Variants in HPSE2 observed in about 807,000 individuals in gnomAD.
The protein encoded by HPSE2 is inactive heparanase-2.
A neutral mutation model predicts 60.5 loss-of-function variants in HPSE2; 38 were observed. The observed-to-expected ratio is 0.63, with a 90% confidence interval of 0.48 to 0.82. The LOEUF (loss-of-function observed/expected upper bound fraction) is 0.82, where lower values mean the gene tolerates loss of function less well. Ranked by LOEUF, HPSE2 falls within the 40% of genes least tolerant of loss-of-function variation. The pLI is 0.00. For synonymous variants in HPSE2, 295 were observed against 293.2 expected (o/e 1.01, Z -0.06); for missense variants, 713 against 740.4 (o/e 0.96, Z 0.43).
rs1843107629 is a variant in HPSE2, at chr10:99,080,811, C to T, written c.610+63427G>A. Among the ~76,000 whole-genome samples, 3 of 152,310 alleles carry T rather than the reference C, an allele frequency of 2.0e-5. No homozygotes were observed. In the South Asian group the frequency reaches 6.2e-4, roughly 32 times the overall value. On this transcript the variant is annotated intron_variant, in intron 3 of 11. Transcript: ENST00000370552. ...GCTCTTGCCAAATGCATTCTCTTAG[C>T]ATATACAATGAGGTTTTTTTTCACT... is the stretch of plus-strand genomic sequence containing the variant.
At chr10:98,588,843 A>G (rs1945009050) in intron 9 of HPSE2, among the ~76,000 whole-genome samples, 1 of 152,126 alleles carries the variant, frequency 6.6e-6, no homozygotes, top group African/African-American at 2.4e-5. Flanking sequence ...TGGTGTTAGC[A>G]GCTCTTAGTA....
intron 3 of HPSE2, among the ~76,000 whole-genome samples, chr10:98,952,944 G>A (rs755581140): frequency 3.3e-5 from 5 of 152,070 alleles, no homozygotes; most frequent in South Asian, 2.1e-4. Context: ...TTCAATATAC[G>A]AAATTAGGGA....
intron 2 of HPSE2, among the ~76,000 whole-genome samples, chr10:99,205,586 A>C (rs1848719123): frequency 6.6e-6 from 1 of 152,328 alleles, no homozygotes; most frequent in Non-Finnish European, 1.5e-5. Context: ...TGTCTCAAAA[A>C]AAAAGCTCAT....
intron 3 of HPSE2, among the ~76,000 whole-genome samples, chr10:98,812,694 C>G (rs1475665643): frequency 6.6e-6 from 1 of 152,148 alleles, no homozygotes; most frequent in Non-Finnish European, 1.5e-5. Flanking sequence ...TTCAAGCACT[C>G]AGTAGCCACA....
chr10:98,741,835 T>C (rs1326183083), intron 4 of HPSE2, among the ~76,000 whole-genome samples: 1 of 152,186 alleles, frequency 6.6e-6, no homozygotes, highest in Admixed American at 6.5e-5. Context: ...CCATTATGCC[T>C]AATTGGTCTC....
Position 99,232,524 on chromosome 10 carries a change from A to T in HPSE2, c.291-19T>A, listed in dbSNP as rs537209058. ...CTTGGAGCTGCAGAGGAAGAGAATA[A>T]GAGAGGAAAGGTTCCCAGGACAGGA... On this transcript the variant is annotated intron_variant, in intron 1 of 11. Coordinates refer to ENST00000370552, the MANE Select transcript of HPSE2 (RefSeq NM_021828.5). 44 of 1,550,470 alleles carry T rather than the reference A, an allele frequency of 2.8e-5. No homozygotes were observed. In the African/African-American group the frequency reaches 5.5e-4, roughly 19 times the overall value.
At chr10:99,250,648 A>T in the HPSE2 span, among the ~76,000 whole-genome samples, 2 of 152,184 alleles carry the variant, frequency 1.3e-5, no homozygotes, top group Non-Finnish European at 2.9e-5. Context: ...AAATCCTACC[A>T]ACCATACTCC....
chr10:99,237,033 A>G (rs1397190785), upstream of HPSE2, among the ~76,000 whole-genome samples: 1 of 152,136 alleles, frequency 6.6e-6, no homozygotes, highest in Non-Finnish European at 1.5e-5. Flanking sequence ...TGGATGGGGA[A>G]TAACAGCCGG....
chr10:99,130,973 G>T (rs987242969), intron 3 of HPSE2, among the ~76,000 whole-genome samples: 1 of 152,248 alleles, frequency 6.6e-6, no homozygotes, highest in East Asian at 1.9e-4. Context: ...TGGAAACAAG[G>T]CTAGGTGATT....
intron 2 of HPSE2, among the ~76,000 whole-genome samples, chr10:99,177,775 T>C (rs1847587412): frequency 6.6e-6 from 1 of 152,134 alleles, no homozygotes. Flanking sequence ...AGCGACCTGA[T>C]AGACATCTAC....
intron 3 of HPSE2, among the ~76,000 whole-genome samples, chr10:99,031,499 G>A (rs1480418800): frequency 6.6e-6 from 1 of 152,148 alleles, no homozygotes; most frequent in African/African-American, 2.4e-5. Flanking sequence ...ACACAGCACA[G>A]TCCTCTCTAT....
In HPSE2 at chr10:98,864,588, T is replaced by C. The variant is rs1952541945; in HGVS notation, c.611-120532A>G. Among the ~76,000 whole-genome samples, 4 of 152,262 alleles carry C rather than the reference T, an allele frequency of 2.6e-5. No individual in the cohort carries two copies. The South Asian group carries it at 8.3e-4, about 32-fold the overall frequency. On this transcript the variant is annotated intron_variant, in intron 3 of 11. Coordinates refer to ENST00000370552, the MANE Select transcript of HPSE2 (RefSeq NM_021828.5). ...TAAATAAAGTTATCCAGTTCATTAG[T>C]CTCATTAAGTCCACACAAGGACTGA...
At chr10:99,239,427 T>TG (rs1849910739), upstream of HPSE2, among the ~76,000 whole-genome samples, 1 of 129,218 alleles carries the variant, frequency 7.7e-6, no homozygotes, top group Non-Finnish European at 1.7e-5. Flanking sequence ...GGTTTTTTTT[T>TG]TTTTTTTTTT....
chr10:98,902,907 A>T (rs1953706154), intron 3 of HPSE2, among the ~76,000 whole-genome samples: 1 of 152,082 alleles, frequency 6.6e-6, no homozygotes, highest in South Asian at 2.1e-4. Flanking sequence ...GTGAGATGAC[A>T]ATTCTACTCC....
rs189956657 is a variant in HPSE2, at chr10:98,949,079, C to A, written c.610+195159G>T. 1.7e-3 allele frequency among the ~76,000 whole-genome samples: 264 copies of A among 152,166 alleles called. 3 individuals carry two copies. Among genetic ancestry groups the A allele is most frequent in the African/African-American group, 5.8e-3 (242 of 41,528 alleles). ...GGTGCCCCCTCAACTCCCGTGTTTT[C>A]AGGGGTCAACTGTAGTCTGTATTTT... On this transcript the variant is annotated intron_variant, in intron 3 of 11. Coordinates refer to ENST00000370552, the MANE Select transcript of HPSE2 (RefSeq NM_021828.5).
rs185370800 is a variant in HPSE2, at chr10:99,112,387, C to T, written c.610+31851G>A. Among the ~76,000 whole-genome samples, 364 of 151,936 alleles carry T rather than the reference C, an allele frequency of 2.4e-3. 1 individual carries two copies. Among genetic ancestry groups the T allele is most frequent in the African/African-American group, 8.6e-3 (355 of 41,392 alleles). On this transcript the variant is annotated intron_variant, in intron 3 of 11. Transcript: ENST00000370552. ...CCCGAGTAGCTAGGACTACAGGCGC[C>T]TGCCACCATGCCCGGCTTTTTTTTG...
Position 98,459,493 on chromosome 10 carries a change from C to A in HPSE2, c.*81G>T. The A allele has an allele frequency of 1.4e-6, 2 of 1,476,438 alleles. No homozygotes were observed. Among genetic ancestry groups the A allele is most frequent in the Non-Finnish European group, 1.9e-6 (2 of 1,055,750 alleles). 91.5% of individuals were successfully genotyped at this position (1,476,438 alleles called of 1,614,324 possible). ...CAGCAGGGGCTGGTTGCTAGGATGTCTGAAAACAGAGGATACTACTGGAGT... is the reference window on the plus strand; with the variant it reads ...CAGCAGGGGCTGGTTGCTAGGATGTATGAAAACAGAGGATACTACTGGAGT... On this transcript the variant is annotated 3_prime_UTR_variant, in exon 12 of 12. Coordinates refer to ENST00000370552, the MANE Select transcript of HPSE2 (RefSeq NM_021828.5).
At chr10:99,227,867 ATATG>A (rs1443151266) in intron 2 of HPSE2, among the ~76,000 whole-genome samples, 9 of 81,514 alleles carry the variant, frequency 1.1e-4, no homozygotes, top group African/African-American at 2.9e-4. Flanking sequence ...GAATGTGTAT[ATATG>A]TGTGTGTGTG....
rs567983806 is a variant in HPSE2, at chr10:98,893,641, TC to T, written c.611-149586del. Among the ~76,000 whole-genome samples, 769 of 152,066 alleles carry T rather than the reference TC, an allele frequency of 5.1e-3. 7 individuals are homozygous for T. The highest frequency in any genetic ancestry group is 0.018 in the African/African-American group (737 of 41,462). ...AAATTCTGAATAAAACATAAAAATA[TC>T]TTGTAAAATGCATTAGTGAGCTGGT... On this transcript the variant is annotated intron_variant, in intron 3 of 11. Transcript: ENST00000370552.
Sources: allele counts gnomAD v4.1 joint callset (sites outside exome capture counted in the v4.1 genomes callset), GRCh38; gene constraint gnomAD v4.1.1; transcripts MANE v1.5; gene names NCBI Gene and HGNC (gene_info 2026-07-23, HGNC 2026-07-21).